Variants in NTN4 observed in about 807,000 individuals in gnomAD.
NTN4 encodes the protein netrin-4.
In NTN4, 32 loss-of-function variants were observed where a neutral mutation model predicts 73.6. The observed-to-expected ratio is 0.44, with a 90% CI of 0.33 to 0.58. The LOEUF is 0.58. NTN4 is among the 20% of genes least tolerant of loss of function. NTN4 has a pLI of 0.04. For missense variants in NTN4, 654 were observed against 798.3 expected (o/e 0.82, Z 2.18); for synonymous variants, 258 against 287.5 (o/e 0.90, Z 1.04).
At chr12:95,711,110 C>A (rs1054439392) in intron 4 of NTN4, among the ~76,000 whole-genome samples, 2 of 152,128 alleles carry the variant, frequency 1.3e-5, no homozygotes, top group Admixed American at 6.6e-5. Flanking sequence ...AGAAATCTAG[C>A]CTCGGCCTCC....
intron 2 of NTN4, among the ~76,000 whole-genome samples, chr12:95,779,579 C>A (rs1592719322): frequency 1.3e-5 from 2 of 151,938 alleles, no homozygotes; most frequent in East Asian, 3.9e-4. Context: ...GAATAAAATA[C>A]CTAGGAATCC....
At chr12:95,741,174 T>A (rs1294517954) in intron 2 of NTN4, among the ~76,000 whole-genome samples, 2 of 151,718 alleles carry the variant, frequency 1.3e-5, no homozygotes, top group East Asian at 3.9e-4. Flanking sequence ...TAGTCCGCCC[T>A]TATCCTCCGG....
chr12:95,741,329 T>C (rs2078822106), intron 2 of NTN4, among the ~76,000 whole-genome samples: 1 of 145,978 alleles, frequency 6.9e-6, no homozygotes, highest in Admixed American at 6.9e-5. Context: ...ATATATTTAT[T>C]ATATATTAAA....
At chr12:95,708,520 G>C (rs1021605935) in intron 5 of NTN4, among the ~76,000 whole-genome samples, 4 of 151,836 alleles carry the variant, frequency 2.6e-5, no homozygotes, top group African/African-American at 9.7e-5. Context: ...GTCTCCCAAA[G>C]TGCTGTAATT....
intron 9 of NTN4, among the ~76,000 whole-genome samples, chr12:95,659,481 C>T (rs535490805): frequency 1.3e-5 from 2 of 151,942 alleles, no homozygotes; most frequent in Admixed American, 1.3e-4. Context: ...TATTTTTTGT[C>T]GAGATGGGGT....
chr12:95,740,397 G>A (rs1407795110), intron 2 of NTN4, among the ~76,000 whole-genome samples: 2 of 152,116 alleles, frequency 1.3e-5, no homozygotes, highest in Non-Finnish European at 2.9e-5. Flanking sequence ...ATAAGGAAGG[G>A]AATGTATCTA....
chr12:95,740,916 A>C (rs77592804), intron 2 of NTN4, among the ~76,000 whole-genome samples: 10,608 of 152,250 alleles, frequency 0.07, 518 homozygotes, highest in Non-Finnish European at 0.1. Context: ...GATCAACTGA[A>C]TCAGAAACTC....
chr12:95,729,626 AGAGAGAGTGTGTGTGTGT>A (rs776149177), intron 3 of NTN4, among the ~76,000 whole-genome samples: 37 of 122,596 alleles, frequency 3.0e-4, no homozygotes, highest in South Asian at 1.9e-3. Context: ...AGAGAGAGAG[AGAGAGAGTGTGTGTGTGT>A]GTGTGTGTGT....
At chr12:95,664,501 A>G (rs7315571) in intron 9 of NTN4, among the ~76,000 whole-genome samples, 62,686 of 152,040 alleles carry the variant, frequency 0.41, 13,036 homozygotes, top group East Asian at 0.52. Context: ...GTTCTGTATC[A>G]ATGTTGAGTT....
At chr12:95,740,496 G>T (rs186025352) in intron 2 of NTN4, among the ~76,000 whole-genome samples, 2 of 152,274 alleles carry the variant, frequency 1.3e-5, no homozygotes, top group African/African-American at 4.8e-5. Context: ...CAGGGATTGC[G>T]CTTTTTGACC....
At chr12:95,725,481 C>T (rs1016843616) in intron 3 of NTN4, among the ~76,000 whole-genome samples, 2 of 152,162 alleles carry the variant, frequency 1.3e-5, no homozygotes, top group Non-Finnish European at 2.9e-5. Flanking sequence ...TTTCTTGTCA[C>T]AGGCTACTAT....
intron 5 of NTN4, among the ~76,000 whole-genome samples, chr12:95,693,677 G>A (rs2121027753): frequency 6.8e-6 from 1 of 147,778 alleles, no homozygotes. Flanking sequence ...GCTGCAGTGA[G>A]CCGAGATCAC....
upstream of NTN4, among the ~76,000 whole-genome samples, chr12:95,790,928 C>CGGG (rs369924618): frequency 0.018 from 2,067 of 117,008 alleles, 106 homozygotes; most frequent in East Asian, 0.062. This position sits in a 1 kb window ranked among gnomAD's most constrained non-coding sequence, Gnocchi z 6.5. Context: ...CGCTGCCGCC[C>CGGG]GGGGGGGGGG....
chr12:95,739,609 A>G (rs10444524), intron 2 of NTN4, among the ~76,000 whole-genome samples: 55,473 of 152,000 alleles, frequency 0.36, 10,294 homozygotes, highest in South Asian at 0.49. Flanking sequence ...CCAAACACTG[A>G]CATTTCTGTT....
At chr12:95,737,740 G>A (rs993217290) in intron 3 of NTN4, 126 bp downstream of exon 3, 6 of 801,274 alleles carry the variant, frequency 7.5e-6, no homozygotes, top group Non-Finnish European at 5.9e-6. Context: ...GGATGAGTAT[G>A]GAGTCGGAGC....
intron 2 of NTN4, among the ~76,000 whole-genome samples, chr12:95,760,310 G>T (rs1489125502): frequency 6.6e-6 from 1 of 152,152 alleles, no homozygotes; most frequent in Non-Finnish European, 1.5e-5. Context: ...ACTAAGAATG[G>T]TTCAACTACT....
chr12:95,761,509 T>G (rs2078987361), intron 2 of NTN4, among the ~76,000 whole-genome samples: 1 of 151,840 alleles, frequency 6.6e-6, no homozygotes, highest in Admixed American at 6.6e-5. Flanking sequence ...TTTTTTGTAT[T>G]TTTAGTAGAG....
intron 3 of NTN4, among the ~76,000 whole-genome samples, chr12:95,719,018 A>C (rs1036625251): frequency 1.3e-4 from 20 of 152,170 alleles, no homozygotes; most frequent in Non-Finnish European, 2.6e-4. Context: ...CATTAACTAA[A>C]TTATTCTAGG....
chr12:95,774,502 C>T (rs748908049), intron 2 of NTN4, among the ~76,000 whole-genome samples: 22 of 152,322 alleles, frequency 1.4e-4, no homozygotes, highest in Non-Finnish European at 2.5e-4. Context: ...GAACAGATTT[C>T]GCCAGTTGAA....
Sources: gnomAD v4.1 joint callset for allele counts (sites outside exome capture counted in the v4.1 genomes callset) on GRCh38, gnomAD v4.1.1 for gene constraint, Gnocchi (gnomAD v3.1) non-coding constraint, MANE v1.5 for transcripts, NCBI Gene and HGNC (gene_info 2026-07-23, HGNC 2026-07-21) for gene names.